The following CBARP variants were observed in gnomAD, a reference collection of about 807,000 sequenced individuals.
CBARP encodes voltage-dependent calcium channel beta subunit-associated regulatory protein.
CBARP carries 24 observed loss-of-function variants against 36.3 expected under a neutral mutation model. The observed-to-expected ratio is 0.66, with a 90% confidence interval of 0.48 to 0.93. CBARP has a LOEUF of 0.93. CBARP is among the 40% of genes least tolerant of loss of function. The probability of loss-of-function intolerance (pLI) is 0.00; values close to 1 mark genes in which losing one functional copy is unlikely to be tolerated. For missense variants in CBARP, 1,146 were observed against 980.4 expected (o/e 1.17, Z -2.26); for synonymous variants, 586 against 453.2 (o/e 1.29, Z -3.72).
intron 8 of CBARP, among the ~76,000 whole-genome samples, chr19:1,232,695 G>T (rs1293545729): frequency 1.3e-5 from 2 of 152,254 alleles, no homozygotes; most frequent in Non-Finnish European, 2.9e-5. Flanking sequence ...ATGTGCTACA[G>T]CCCAGAGGGC....
upstream of CBARP, chr19:1,238,094 G>A (rs1243342072): frequency 4.0e-5 from 6 of 149,264 alleles, no homozygotes; most frequent in East Asian, 4.0e-4. Flanking sequence ...CTCCGCACGC[G>A]GAGCCGCCCC....
intron 9 of CBARP, 87 bp downstream of exon 9, chr19:1,231,014 G>C: frequency 6.5e-7 from 1 of 1,549,558 alleles, no homozygotes; most frequent in Non-Finnish European, 8.7e-7. Flanking sequence ...GGGGCCTGGA[G>C]AGCGCTCCCT....
Position 1,229,503 on chromosome 19 carries a change from C to T in CBARP, c.1794G>A (p.Leu598=), listed in dbSNP as rs1444375485. The change falls in exon 10 of 10, where the codon CTG becomes CTA. Residue 598 remains leucine (L), a synonymous_variant. Coordinates refer to ENST00000650044, the MANE Select transcript of CBARP (RefSeq NM_001393918.1). This position sits in a 1 kb window ranked among gnomAD's most constrained non-coding sequence, Gnocchi z 5.1. The part of the protein sequence containing the change: ...SDPGARAAPA[L]AGTPAPPAGA... ...CGGCAGGCGGTGCCGGGGTTCCGGC[C>T]AGGGCCGGGGCCGCGCGGGCGCCGG... 1.0e-6 allele frequency: 1 copy of T among 979,066 alleles called. No individual in the cohort carries two copies. Among genetic ancestry groups the T allele is most frequent in the Non-Finnish European group, 1.2e-6 (1 of 827,694 alleles). The allele number at this position is 979,066 out of a possible 1,614,324, so 60.6% of individuals were successfully genotyped here.
chr19:1,231,388 GCCACACACAACGCCTGTGGACCCCCA>G lies in CBARP; in HGVS notation c.980-139_980-114del, dbSNP rs2080890797. 179 of 1,310,988 alleles carry G rather than the reference GCCACACACAACGCCTGTGGACCCCCA, an allele frequency of 1.4e-4. 2 individuals are homozygous for G. In the South Asian group the frequency reaches 2.5e-3, roughly 18 times the overall value. 81.2% of individuals were successfully genotyped at this position (1,310,988 alleles called of 1,614,324 possible). A position where few individuals can be genotyped will look rare whatever the true frequency, so the allele number is the denominator to read the frequency against. ...ACACACACAATGCCTGTGCCCCCCCGCCACACACAACGCCTGTGGACCCCCACCACACACACACAACGTGTGCCCCC... is the reference window on the plus strand; with the variant it reads ...ACACACACAATGCCTGTGCCCCCCCGCCACACACACACAACGTGTGCCCCC... On this transcript the variant is annotated intron_variant, in intron 8 of 9. Transcript: ENST00000650044.
chr19:1,233,899 C>T (rs543172717), intron 7 of CBARP, among the ~76,000 whole-genome samples: 2 of 152,340 alleles, frequency 1.3e-5, no homozygotes, highest in Admixed American at 6.5e-5. Context: ...GAAGGTCTCT[C>T]GCCCACGGCG....
At chr19:1,230,170 CCCG>C in intron 9 of CBARP, 28 bp from the exon 10 acceptor site, 1 of 998,174 alleles carries the variant, frequency 1.0e-6, no homozygotes, top group Non-Finnish European at 1.2e-6. Flanking sequence ...CCGTCAGAGC[CCCG>C]CCGAGCCCCG....
intron 6 of CBARP, 61 bp downstream of exon 6, chr19:1,234,510 G>A (rs762474879): frequency 7.8e-5 from 118 of 1,513,346 alleles, no homozygotes; most frequent in Non-Finnish European, 9.5e-5. Context: ...GTGGGGGTCC[G>A]GGAGTCCCCG....
At chr19:1,236,692 C>G (rs774457884) in intron 1 of CBARP, among the ~76,000 whole-genome samples, 2 of 152,006 alleles carry the variant, frequency 1.3e-5, no homozygotes, top group South Asian at 2.1e-4. Flanking sequence ...AGGTGGAGGT[C>G]TCCCCGGTGC....
Position 1,229,055 on chromosome 19 carries a change from G to A in CBARP, c.*124C>T. ...AGCGCGCCTCCGTCGCCCGGCGCGT[G>A]CGCGAAGGGCCCGCGGTCCCCGCGC... On this transcript the variant is annotated 3_prime_UTR_variant, in exon 10 of 10. Transcript: ENST00000650044. The surrounding 1 kb of genome is among the most constrained non-coding windows in gnomAD (Gnocchi z 5.1). 4.5e-6 allele frequency: 1 copy of A among 221,740 alleles called. No homozygotes were observed. Among genetic ancestry groups the A allele is most frequent in the African/African-American group, 2.4e-5 (1 of 42,296 alleles). 13.7% of individuals were successfully genotyped at this position (221,740 alleles called of 1,614,324 possible).
At chr19:1,231,328 C>G in intron 8 of CBARP, 53 bp from the exon 9 acceptor site, 1 of 1,545,406 alleles carries the variant, frequency 6.5e-7, no homozygotes, top group Non-Finnish European at 8.7e-7. Flanking sequence ...CCACCCGCTC[C>G]ACACACACAC....
chr19:1,229,386 G>T lies in CBARP; in HGVS notation c.1911C>A (p.Asp637Glu). 8.9e-7 allele frequency: 1 copy of T among 1,127,734 alleles called. No individual in the cohort carries two copies. Among genetic ancestry groups the T allele is most frequent in the South Asian group, 1.7e-5 (1 of 60,242 alleles). The allele number at this position is 1,127,734 out of a possible 1,614,324, so 69.9% of individuals were successfully genotyped here. A position where few individuals can be genotyped will look rare whatever the true frequency, so the allele number is the denominator to read the frequency against. The change falls in exon 10 of 10, where the codon GAC becomes GAA. Residue 637 changes from aspartate to glutamate, a missense_variant. Physicochemically the swap from Asp to Glu is conservative, Grantham distance 45. Coordinates refer to ENST00000650044, the MANE Select transcript of CBARP (RefSeq NM_001393918.1). The surrounding 1 kb of genome is among the most constrained non-coding windows in gnomAD (Gnocchi z 5.1). The stretch of plus-strand genomic sequence containing the variant: ...CCTCCTCGATGACGGGGATGGCGGG[G>T]TCGTCGCCGGCGCCGCCCAGGGTGC... ...DGRTLGGAGD[D>E]PAIPVIEEEP...
intron 7 of CBARP, among the ~76,000 whole-genome samples, chr19:1,233,900 G>A (rs1403102527): frequency 4.6e-5 from 7 of 152,212 alleles, no homozygotes; most frequent in Non-Finnish European, 4.4e-5. Context: ...AAGGTCTCTC[G>A]CCCACGGCGT....
At position 1,229,264 on chromosome 19, in the gene CBARP, AAG is replaced by A. The variant is rs2080857824; in HGVS notation, c.2031_2032del (p.Phe678SerfsTer126). The A allele has an allele frequency of 2.4e-6, 3 of 1,251,230 alleles. No homozygotes were observed. The highest frequency in any genetic ancestry group is 1.3e-5 in the South Asian group (1 of 77,112). 77.5% of individuals were successfully genotyped at this position (1,251,230 alleles called of 1,614,324 possible). A position where few individuals can be genotyped will look rare whatever the true frequency, so the allele number is the denominator to read the frequency against. Reference sequence around the variant, plus strand: ...GACGGGCTCGGCGAGGCGCGGCGGAAAGAGTCTCTCGTCGAGGCCAGCCGCCA... The same window carrying A: ...GACGGGCTCGGCGAGGCGCGGCGGAAAGTCTCTCGTCGAGGCCAGCCGCCA... On this transcript the variant is annotated frameshift_variant, in exon 10 of 10. Coordinates refer to ENST00000650044, the MANE Select transcript of CBARP (RefSeq NM_001393918.1). LOFTEE classifies it low-confidence loss of function (END_TRUNC). This position sits in a 1 kb window ranked among gnomAD's most constrained non-coding sequence, Gnocchi z 5.1.
At chr19:1,233,061 G>T (rs985228188) in intron 8 of CBARP, among the ~76,000 whole-genome samples, 2 of 152,228 alleles carry the variant, frequency 1.3e-5, no homozygotes, top group Non-Finnish European at 2.9e-5. Flanking sequence ...GCATGGCTGG[G>T]AGGGGATGCA....
rs2080874948 is a variant in CBARP, at chr19:1,230,424, T to G, written c.1155-282A>C. On this transcript the variant is annotated intron_variant, in intron 9 of 9. Coordinates refer to ENST00000650044, the MANE Select transcript of CBARP (RefSeq NM_001393918.1). ...AAGCCCCCAGGAAAAGTCAACATGC[T>G]TCTCTCCGGGAGTCACGTTTTCCCA... The G allele has an allele frequency of 1.1e-5, 11 of 989,362 alleles. No individual in the cohort carries two copies. In the South Asian group the frequency reaches 5.1e-4, roughly 46 times the overall value. 61.3% of individuals were successfully genotyped at this position (989,362 alleles called of 1,614,324 possible).
chr19:1,236,402 G>A (rs2080974003), intron 1 of CBARP, among the ~76,000 whole-genome samples: 1 of 152,228 alleles, frequency 6.6e-6, no homozygotes, highest in Non-Finnish European at 1.5e-5. Flanking sequence ...AGCCGGTGCG[G>A]CCTGTCCTGC....
intron 8 of CBARP, among the ~76,000 whole-genome samples, chr19:1,231,590 C>G (rs1239544024): frequency 9.9e-6 from 1 of 101,422 alleles, no homozygotes; most frequent in Admixed American, 9.2e-5. Flanking sequence ...CTGTGCACCC[C>G]CCATGCCTGT....
intron 7 of CBARP, 120 bp downstream of exon 7, chr19:1,234,071 G>A: frequency 8.2e-7 from 1 of 1,220,082 alleles, no homozygotes; most frequent in Non-Finnish European, 1.1e-6. Context: ...GACCCGGCGG[G>A]CCAAGGAGGG....
Position 1,229,785 on chromosome 19 carries a change from G to C in CBARP, c.1512C>G (p.Gly504=). ...EARRLLQMDS[G]YASIEGRGAG... The stretch of plus-strand genomic sequence containing the variant: ...CGCCGCGGCCCTCGATGCTGGCGTA[G>C]CCACTGTCCATCTGCAGCAGCCGGC... Residue 504 remains glycine, a synonymous_variant, in exon 10 of 10, where the codon GGC becomes GGG. Transcript: ENST00000650044. The surrounding 1 kb of genome is among the most constrained non-coding windows in gnomAD (Gnocchi z 5.1). 2.0e-6 allele frequency: 2 copies of C among 1,017,704 alleles called. No homozygotes were observed. The highest frequency in any genetic ancestry group is 1.2e-6 in the Non-Finnish European group (1 of 844,310). The allele number at this position is 1,017,704 out of a possible 1,614,324, so 63.0% of individuals were successfully genotyped here.
Sources: gnomAD v4.1 joint callset for allele counts (sites outside exome capture counted in the v4.1 genomes callset) on GRCh38, gnomAD v4.1.1 for gene constraint, Gnocchi (gnomAD v3.1) non-coding constraint, MANE v1.5 for transcripts, NCBI Gene and HGNC (gene_info 2026-07-23, HGNC 2026-07-21) for gene names.